Variants in ZNF33B observed in about 807,000 individuals in gnomAD.
ZNF33B encodes the protein zinc finger protein 11b (KOX 2).
ZNF33B carries 29 observed loss-of-function variants against 45.8 expected under a neutral mutation model. The observed-to-expected ratio is 0.63, with a 90% CI of 0.47 to 0.86. ZNF33B has a LOEUF of 0.86. Ranked by LOEUF, ZNF33B falls within the 40% of genes least tolerant of loss-of-function variation. The probability of loss-of-function intolerance (pLI) is 0.00; values close to 1 mark genes in which losing one functional copy is unlikely to be tolerated. For missense variants in ZNF33B, 831 were observed against 909.9 expected, an observed-to-expected ratio of 0.91 and a Z score of 1.12; for synonymous variants, 305 against 307.8, an observed-to-expected ratio of 0.99 and a Z score of 0.10.
At chr10:42,629,078 T>C (rs752854183) in intron 4 of ZNF33B, among the ~76,000 whole-genome samples, 9 of 152,150 alleles carry the variant, frequency 5.9e-5, no homozygotes, top group Non-Finnish European at 1.0e-4. Context: ...CACAGATAAA[T>C]AGATAAAGAA....
chr10:42,581,647 G>A (rs1836827190), intron 1 of ZNF33B: 1 of 152,122 alleles, frequency 6.6e-6, no homozygotes, highest in Non-Finnish European at 1.5e-5. Context: ...TTCCAGCCAT[G>A]TTTAAGACTT....
chr10:42,576,460 C>G (rs1589007238), intron 1 of ZNF33B, among the ~76,000 whole-genome samples: 1 of 152,168 alleles, frequency 6.6e-6, no homozygotes, highest in African/African-American at 2.4e-5. Flanking sequence ...ACATGCCTGG[C>G]ATCTCCTGCT....
chr10:42,575,255 G>A (rs573605647), intron 1 of ZNF33B, among the ~76,000 whole-genome samples: 12 of 152,224 alleles, frequency 7.9e-5, no homozygotes, highest in South Asian at 4.1e-4. Flanking sequence ...TTAATGTGGC[G>A]CGTGGAGGTG....
chr10:42,625,238 G>C (rs1838754260), intron 4 of ZNF33B, among the ~76,000 whole-genome samples: 1 of 151,930 alleles, frequency 6.6e-6, no homozygotes. Context: ...ATTTATTTCA[G>C]TGTTCTTTTA....
At chr10:42,587,988 T>A (rs571194373), downstream of ZNF33B, among the ~76,000 whole-genome samples, 1 of 152,326 alleles carries the variant, frequency 6.6e-6, no homozygotes. Context: ...AGTTGTCTCC[T>A]GCCTTTCCAC....
chr10:42,621,066 C>T (rs1208087311), intron 4 of ZNF33B, among the ~76,000 whole-genome samples: 1 of 151,660 alleles, frequency 6.6e-6, no homozygotes, highest in South Asian at 2.1e-4. Flanking sequence ...TAGATAGCAC[C>T]TGTAATCCCA....
chr10:42,625,769 G>A (rs1838781740), intron 4 of ZNF33B, among the ~76,000 whole-genome samples: 1 of 152,230 alleles, frequency 6.6e-6, no homozygotes, highest in South Asian at 2.1e-4. Flanking sequence ...CACCAGGCCT[G>A]GCCTGAGGTT....
At position 42,592,973 on chromosome 10, in the gene ZNF33B, A is replaced by G. The variant is rs1460107828; in HGVS notation, c.1977T>C (p.His659=). The change falls in exon 5 of 5, where the codon CAT becomes CAC. Residue 659 remains histidine, a synonymous_variant. Transcript: ENST00000359467. ...KSALIVHQRT[H]TQEKPYKCNE... ...TACATTTATAAGGCTTTTCTTGTGT[A>G]TGGGTTCTCTGATGTACAATTAGAG... The G allele has an allele frequency of 1.9e-6, 3 of 1,613,536 alleles. No individual in the cohort carries two copies. The Admixed American group carries it at 5.0e-5, about 27-fold the overall frequency.
chr10:42,580,058 A>G (rs764943596), intron 1 of ZNF33B, among the ~76,000 whole-genome samples: 13 of 152,172 alleles, frequency 8.5e-5, no homozygotes, highest in Non-Finnish European at 1.3e-4. Flanking sequence ...TCCTGGTAGG[A>G]GGAAATTAAA....
At chr10:42,631,899 T>C (rs750728713) in intron 4 of ZNF33B, 30 bp downstream of exon 4, 2 of 1,558,520 alleles carry the variant, frequency 1.3e-6, no homozygotes, top group South Asian at 2.2e-5. Flanking sequence ...AATCCCCTGA[T>C]GTGAATCTGT....
At chr10:42,597,645 G>A (rs1007007308) in intron 4 of ZNF33B, among the ~76,000 whole-genome samples, 1 of 152,078 alleles carries the variant, frequency 6.6e-6, no homozygotes, top group African/African-American at 2.4e-5. Flanking sequence ...TTTTTCAGCT[G>A]ATGCAATCAT....
chr10:42,614,940 G>A (rs998561082), intron 4 of ZNF33B, among the ~76,000 whole-genome samples: 8 of 151,166 alleles, frequency 5.3e-5, no homozygotes, highest in African/African-American at 1.5e-4. Context: ...GCAACAGAGC[G>A]AGATTCCATC....
At chr10:42,602,411 T>C (rs986479560) in intron 4 of ZNF33B, among the ~76,000 whole-genome samples, 4 of 152,158 alleles carry the variant, frequency 2.6e-5, no homozygotes, top group Non-Finnish European at 5.9e-5. Context: ...AATTCTAATA[T>C]CTATGGCAAT....
chr10:42,578,572 T>C (rs1382341644), intron 1 of ZNF33B: 1 of 152,378 alleles, frequency 6.6e-6, no homozygotes, highest in Admixed American at 6.5e-5. Context: ...CACCACTGCA[T>C]GGTAGCATGG....
intron 4 of ZNF33B, among the ~76,000 whole-genome samples, chr10:42,621,713 T>C (rs1838599877): frequency 6.6e-6 from 1 of 152,106 alleles, no homozygotes; most frequent in Admixed American, 6.5e-5. Flanking sequence ...TTCAACATGA[T>C]AAAGGGCACA....
Position 42,594,181 on chromosome 10 carries a change from A to C in ZNF33B, c.769T>G (p.Cys257Gly). The change falls in exon 5 of 5, where the codon TGT becomes GGT. Residue 257 changes from cysteine to glycine, a missense_variant. Coordinates refer to ENST00000359467, the MANE Select transcript of ZNF33B (RefSeq NM_006955.3). ...TGGAACAAGAGGGATGAACTATCAC[A>C]GAAAGTTCTCCCAAATTCATTATAG... ...CDYNEFGRTFCDSSSLLFHQI... is the reference protein window; with the variant it reads ...CDYNEFGRTFGDSSSLLFHQI... 6.2e-7 allele frequency: 1 copy of C among 1,613,836 alleles called. No individual in the cohort carries two copies. Among genetic ancestry groups the C allele is most frequent in the Non-Finnish European group, 8.5e-7 (1 of 1,179,946 alleles).
intron 4 of ZNF33B, among the ~76,000 whole-genome samples, chr10:42,600,310 C>T (rs1224657658): frequency 1.3e-5 from 2 of 152,106 alleles, no homozygotes; most frequent in African/African-American, 4.8e-5. Context: ...CTGATTATAA[C>T]TGTGGATCTA....
intron 2 of ZNF33B, among the ~76,000 whole-genome samples, chr10:42,634,371 C>T (rs1564530274): frequency 1.3e-5 from 2 of 151,768 alleles, no homozygotes; most frequent in South Asian, 2.1e-4. Flanking sequence ...CGCACCACTG[C>T]ACTGCAGCCT....
chr10:42,574,811 C>G (rs1589006269), intron 1 of ZNF33B: 1 of 152,190 alleles, frequency 6.6e-6, no homozygotes, highest in South Asian at 2.1e-4. Flanking sequence ...TTCCCCAAAA[C>G]TAGCACAGAG....
Sources: gnomAD v4.1 joint callset for allele counts (sites outside exome capture counted in the v4.1 genomes callset) on GRCh38, gnomAD v4.1.1 for gene constraint, MANE v1.5 for transcripts, NCBI Gene and HGNC (gene_info 2026-07-23, HGNC 2026-07-21) for gene names.